The following RAP1GAP2 variants were observed in gnomAD, a reference collection of about 807,000 sequenced individuals.
RAP1GAP2 encodes the protein RAP1 GTPase activating protein 2, also known as rap1 GTPase-activating protein 2.
Under a neutral mutation model 95.0 loss-of-function variants are expected in RAP1GAP2, and 27 were observed. That is an observed-to-expected ratio of 0.28 (90% CI 0.21 to 0.39). The LOEUF (loss-of-function observed/expected upper bound fraction) is 0.39. Ranked by LOEUF, RAP1GAP2 falls within the 10% of genes least tolerant of loss-of-function variation. RAP1GAP2 has a pLI of 1.00. For missense variants in RAP1GAP2, 771 were observed against 970.0 expected (o/e 0.79, Z 2.72); for synonymous variants, 373 against 380.9 (o/e 0.98, Z 0.24).
chr17:2,767,097 C>T (rs2068290041), intron 1 of RAP1GAP2, among the ~76,000 whole-genome samples: 1 of 151,892 alleles, frequency 6.6e-6, no homozygotes, highest in Admixed American at 6.6e-5. Context: ...GGCGTGGTGG[C>T]TCACGTCTGT....
rs142124829 is a variant in RAP1GAP2 at position 2,882,438 on chromosome 17, C to A, written c.81-22846C>A. On this transcript the variant is annotated intron_variant, in intron 2 of 24. Coordinates refer to ENST00000254695, the MANE Select transcript of RAP1GAP2 (RefSeq NM_015085.5). ...TCCCAAGTAGCTGGGGTTACAGGCACGCGCCACCACGCCCGGCTAATTTTT... is the reference window on the plus strand; with the variant it reads ...TCCCAAGTAGCTGGGGTTACAGGCAAGCGCCACCACGCCCGGCTAATTTTT... Among the ~76,000 whole-genome samples, 521 of 151,472 alleles carry A rather than the reference C, an allele frequency of 3.4e-3. 4 individuals carry two copies. Among genetic ancestry groups the A allele is most frequent in the African/African-American group, 0.012 (494 of 41,264 alleles).
chr17:3,007,957 G>A, intron 16 of RAP1GAP2, 54 bp from the exon 17 acceptor site: 5 of 1,588,604 alleles, frequency 3.1e-6, no homozygotes, highest in Non-Finnish European at 4.3e-6. Flanking sequence ...CAAGGAGCAG[G>A]CACATCTCTG....
chr17:2,798,478 GT>G (rs1368962662), intron 1 of RAP1GAP2, among the ~76,000 whole-genome samples: 1 of 152,198 alleles, frequency 6.6e-6, no homozygotes, highest in East Asian at 1.9e-4. Context: ...CGAGACTGGG[GT>G]TTGGGCCTCC....
intron 1 of RAP1GAP2, among the ~76,000 whole-genome samples, chr17:2,786,529 G>C (rs976860728): frequency 6.6e-6 from 1 of 152,256 alleles, no homozygotes; most frequent in African/African-American, 2.4e-5. Context: ...GAGGGCGGGA[G>C]TGACCCAGCT....
rs2042212280 is a variant in RAP1GAP2 at position 2,906,812 on chromosome 17, AT to A, written c.165+1447del. ...GCAGATTTTACTTACTCATGTACTC[AT>A]TTAATTCATTTAATACCCAGTATTT... On this transcript the variant is annotated intron_variant, in intron 3 of 24. Transcript: ENST00000254695. This position sits in a 1 kb window ranked among gnomAD's most constrained non-coding sequence, Gnocchi z 4.3. Among the ~76,000 whole-genome samples the A allele has an allele frequency of 6.6e-6, 1 of 152,182 alleles. No individual in the cohort carries two copies. Among genetic ancestry groups the A allele is most frequent in the Non-Finnish European group, 1.5e-5 (1 of 68,026 alleles).
chr17:2,960,485 C>T (rs978834170), intron 4 of RAP1GAP2, among the ~76,000 whole-genome samples: 1 of 152,230 alleles, frequency 6.6e-6, no homozygotes, highest in Non-Finnish European at 1.5e-5. Flanking sequence ...TGCAAGGCGA[C>T]TCAGCCCAGG....
At chr17:2,865,548 T>G (rs528601421) in intron 2 of RAP1GAP2, among the ~76,000 whole-genome samples, 2 of 152,316 alleles carry the variant, frequency 1.3e-5, no homozygotes, top group African/African-American at 4.8e-5. Context: ...CATCTGTATT[T>G]TAATAGAACG....
At chr17:2,823,263 C>T (rs1449181219) in intron 2 of RAP1GAP2, among the ~76,000 whole-genome samples, 1 of 152,118 alleles carries the variant, frequency 6.6e-6, no homozygotes, top group Non-Finnish European at 1.5e-5. Context: ...CCTGGGAGGG[C>T]TGTGTCCTGG....
At chr17:2,934,139 C>CT (rs955281766) in intron 3 of RAP1GAP2, among the ~76,000 whole-genome samples, 165 of 150,340 alleles carry the variant, frequency 1.1e-3, no homozygotes, top group South Asian at 7.0e-3. Context: ...TTACAAAGCA[C>CT]TTTTTTTTTT....
intron 2 of RAP1GAP2, among the ~76,000 whole-genome samples, chr17:2,891,310 G>T (rs2073707507): frequency 6.6e-6 from 1 of 151,752 alleles, no homozygotes; most frequent in Non-Finnish European, 1.5e-5. Flanking sequence ...ACCATGCCTG[G>T]CTAATTTTTG....
At chr17:2,793,355 T>C (rs2151467124), upstream of RAP1GAP2, among the ~76,000 whole-genome samples, 1 of 152,304 alleles carries the variant, frequency 6.6e-6, no homozygotes, top group East Asian at 1.9e-4. Context: ...GGTTTCACCA[T>C]GTTGGCCAGG....
intron 3 of RAP1GAP2, among the ~76,000 whole-genome samples, chr17:2,947,632 G>A (rs1418381256): frequency 1.3e-5 from 2 of 152,102 alleles, no homozygotes; most frequent in African/African-American, 2.4e-5. Context: ...CTCTGCCCTC[G>A]AGGACCTTCT....
At chr17:2,894,304 C>T (rs1051971750) in intron 2 of RAP1GAP2, among the ~76,000 whole-genome samples, 2 of 152,176 alleles carry the variant, frequency 1.3e-5, no homozygotes, top group African/African-American at 2.4e-5. Context: ...GTGGTAGGCA[C>T]CTGTAGTCCC....
chr17:2,930,565 T>C (rs2043109143), intron 3 of RAP1GAP2, among the ~76,000 whole-genome samples: 1 of 152,196 alleles, frequency 6.6e-6, no homozygotes, highest in Non-Finnish European at 1.5e-5. Flanking sequence ...TCAGCCGAGG[T>C]CTGCAAGGCA....
intron 1 of RAP1GAP2, among the ~76,000 whole-genome samples, chr17:2,788,759 C>T (rs2068850911): frequency 6.6e-6 from 1 of 152,206 alleles, no homozygotes; most frequent in South Asian, 2.1e-4. Flanking sequence ...GGCGGGTTCT[C>T]AGCTCAGGCA....
rs766607825 is a variant in RAP1GAP2, at chr17:2,905,314, G to GA, written c.112dup (p.Thr38AsnfsTer24). The GA allele has an allele frequency of 1.2e-6, 2 of 1,613,722 alleles. No homozygotes were observed. Among genetic ancestry groups the GA allele is most frequent in the Non-Finnish European group, 1.7e-6 (2 of 1,179,772 alleles). On this transcript the variant is annotated frameshift_variant, in exon 3 of 25. Coordinates refer to ENST00000254695, the MANE Select transcript of RAP1GAP2 (RefSeq NM_015085.5). LOFTEE classifies it high-confidence loss of function. Reference sequence around the variant, plus strand: ...AGGAGCTGGCCAACAGCTCGGATGCGACCCTCCCAGACCGGCCGCTCTCCC... The same window carrying GA: ...AGGAGCTGGCCAACAGCTCGGATGCGAACCCTCCCAGACCGGCCGCTCTCCC...
intron 19 of RAP1GAP2, 52 bp from the exon 20 acceptor site, chr17:3,025,956 T>G: frequency 7.4e-7 from 1 of 1,354,770 alleles, no homozygotes; most frequent in Non-Finnish European, 1.0e-6. Flanking sequence ...GTGGATGGGG[T>G]GGGGGTTGAG....
At chr17:2,964,596 G>T (rs1377512734) in intron 7 of RAP1GAP2, 4 of 154,700 alleles carry the variant, frequency 2.6e-5, no homozygotes, top group African/African-American at 9.7e-5. Context: ...AATGTTTCGG[G>T]AGGCGATGGA....
chr17:2,904,478 C>T lies in RAP1GAP2; in HGVS notation c.81-806C>T, dbSNP rs377354332. Among the ~76,000 whole-genome samples the T allele has an allele frequency of 2.6e-5, 4 of 151,618 alleles. No homozygotes were observed. Among genetic ancestry groups the T allele is most frequent in the Admixed American group, 2.6e-4 (4 of 15,192 alleles). On this transcript the variant is annotated intron_variant, in intron 2 of 24. Transcript: ENST00000254695. This position sits in a 1 kb window ranked among gnomAD's most constrained non-coding sequence, Gnocchi z 4.7. ...CATGGACTAAGTTAAGTTTTACCTG[C>T]GGTTGCACGGCAGGCAGCCCTGTCT...
Sources: gnomAD v4.1 joint callset for allele counts (sites outside exome capture counted in the v4.1 genomes callset) on GRCh38, gnomAD v4.1.1 for gene constraint, Gnocchi (gnomAD v3.1) non-coding constraint, MANE v1.5 for transcripts, NCBI Gene and HGNC (gene_info 2026-07-23, HGNC 2026-07-21) for gene names.